Variants in ITGA4 observed in about 807,000 individuals in gnomAD.
The protein encoded by ITGA4 is integrin alpha-4.
A neutral mutation model predicts 133.6 loss-of-function variants in ITGA4; 63 were observed. The ratio of observed to expected loss-of-function variants is 0.47; its 90% CI spans 0.38 to 0.58. The LOEUF is 0.58. Ranked by LOEUF, ITGA4 falls within the 20% of genes least tolerant of loss-of-function variation. The probability of loss-of-function intolerance (pLI) is 0.00; values close to 1 mark genes in which losing one functional copy is unlikely to be tolerated. For synonymous variants in ITGA4, 483 were observed against 438.0 expected (o/e 1.10, Z -1.28); for missense variants, 1,076 against 1,252.7 (o/e 0.86, Z 2.13).
intron 21 of ITGA4, 132 bp from the exon 22 acceptor site, chr2:181,527,165 A>G (rs990531937): frequency 4.5e-5 from 25 of 551,890 alleles, no homozygotes; most frequent in Non-Finnish European, 5.8e-5. Context: ...AATAAAATGT[A>G]TATCTGACCA....
intron 2 of ITGA4, among the ~76,000 whole-genome samples, chr2:181,471,719 CAT>C (rs1486010877): frequency 6.6e-6 from 1 of 152,148 alleles, no homozygotes. Context: ...ACACACCTGC[CAT>C]ATGTTTTTCT....
chr2:181,508,501 G>C (rs1466552298), intron 15 of ITGA4, among the ~76,000 whole-genome samples: 1 of 151,984 alleles, frequency 6.6e-6, no homozygotes, highest in Non-Finnish European at 1.5e-5. Flanking sequence ...TTTGAGACCA[G>C]CCCTACCAAC....
At chr2:181,471,692 C>A (rs1160496652) in intron 2 of ITGA4, among the ~76,000 whole-genome samples, 1 of 152,150 alleles carries the variant, frequency 6.6e-6, no homozygotes, top group Non-Finnish European at 1.5e-5. Flanking sequence ...GACCCCCACC[C>A]CACCAATTTC....
At chr2:181,496,721 G>A (rs1056310613) in intron 14 of ITGA4, among the ~76,000 whole-genome samples, 5 of 152,100 alleles carry the variant, frequency 3.3e-5, no homozygotes, top group African/African-American at 1.2e-4. Context: ...GCTAATATAA[G>A]AATAACTACT....
rs781526451 is a variant in ITGA4 at position 181,511,741 on chromosome 2, G to A, written c.1888G>A (p.Asp630Asn). 3 of 1,598,080 alleles carry A rather than the reference G, an allele frequency of 1.9e-6. No individual in the cohort carries two copies. Among genetic ancestry groups the A allele is most frequent in the Non-Finnish European group, 1.7e-6 (2 of 1,166,050 alleles). The change falls in exon 17 of 28, where the codon GAT (aspartate) becomes AAT (asparagine). Residue 630 changes from aspartate to asparagine, a missense_variant. Asp to Asn is a conservative substitution (Grantham distance 23). Transcript: ENST00000397033. ...RFCAHENCSA[D>N]LQVSAKIGFL... ...TTGTGCCCATGAAAATTGTTCTGCT[G>A]ATTTACAGGTTTCTGCAAAGATTGG...
At chr2:181,481,296 T>C (rs189438725) in intron 6 of ITGA4, among the ~76,000 whole-genome samples, 1 of 152,204 alleles carries the variant, frequency 6.6e-6, no homozygotes, top group African/African-American at 2.4e-5. Context: ...ATATTTAATA[T>C]ACTCTAAAAT....
At chr2:181,498,479 G>T (rs1044832679) in intron 14 of ITGA4, 144 bp from the exon 15 acceptor site, 15 of 435,800 alleles carry the variant, frequency 3.4e-5, no homozygotes, top group Middle Eastern at 6.1e-4. Flanking sequence ...CATATTTCAG[G>T]TTAGTCTTTA....
At chr2:181,493,058 G>T in intron 10 of ITGA4, 1 of 301,504 alleles carries the variant, frequency 3.3e-6, no homozygotes, top group Non-Finnish European at 6.1e-6. Flanking sequence ...AGACCCCAGT[G>T]GTCTGGCTGT....
At chr2:181,465,270 A>G (rs1346310220) in intron 2 of ITGA4, among the ~76,000 whole-genome samples, 1 of 152,144 alleles carries the variant, frequency 6.6e-6, no homozygotes, top group African/African-American at 2.4e-5. Flanking sequence ...CTGCCCAGAG[A>G]AACGTCCTTT....
Position 181,494,801 on chromosome 2 carries a change from A to C in ITGA4, c.1328A>C (p.Asn443Thr). 1 of 1,520,822 alleles carries C rather than the reference A, an allele frequency of 6.6e-7. No individual in the cohort carries two copies. The highest frequency in any genetic ancestry group is 9.1e-7 in the Non-Finnish European group (1 of 1,095,088). The allele number at this position is 1,520,822 out of a possible 1,614,324, so 94.2% of individuals were successfully genotyped here. ...TCAGGACAAATTGATGCAGATAATA[A>C]TGGCTATGTAGGTGAGTAATTAGTT... is the stretch of plus-strand genomic sequence containing the variant. ...SISGQIDADN[N>T]GYVDVAVGAF... Residue 443 changes from asparagine to threonine, a missense_variant, in exon 12 of 28, where the codon AAT becomes ACT. Around this residue, in one of 4 missense-constraint regions of ITGA4, gnomAD observed 436 missense variants for 590.7 expected, o/e 0.74. Transcript: ENST00000397033.
At chr2:181,526,439 T>TA (rs1423740002) in intron 21 of ITGA4, among the ~76,000 whole-genome samples, 1 of 152,176 alleles carries the variant, frequency 6.6e-6, no homozygotes, top group African/African-American at 2.4e-5. Flanking sequence ...CCTAGAAACA[T>TA]ATTTCTTAGA....
intron 2 of ITGA4, among the ~76,000 whole-genome samples, chr2:181,468,852 T>C (rs1210778823): frequency 1.3e-5 from 2 of 152,178 alleles, no homozygotes; most frequent in African/African-American, 4.8e-5. Flanking sequence ...AAATATCTAG[T>C]GGAAAAATGC....
At chr2:181,474,916 A>G (rs199500082) in intron 2 of ITGA4, 44 bp from the exon 3 acceptor site, 9 of 1,461,702 alleles carry the variant, frequency 6.2e-6, no homozygotes, top group Non-Finnish European at 8.6e-6. Flanking sequence ...TCTTTTGTAG[A>G]ATGTTTTCAA....
At chr2:181,509,933 A>T (rs2305582) in intron 16 of ITGA4, 126 bp downstream of exon 16, 73,296 of 644,242 alleles carry the variant, frequency 0.11, 5,077 homozygotes, top group East Asian at 0.23. Flanking sequence ...TAAAAACAAA[A>T]ATAGATTTAT....
chr2:181,537,797 G>A lies in ITGA4; in HGVS notation c.*2270G>A, dbSNP rs1354963890. 4.3e-6 allele frequency: 2 copies of A among 461,960 alleles called. No homozygotes were observed. Among genetic ancestry groups the A allele is most frequent in the Non-Finnish European group, 8.6e-6 (2 of 233,770 alleles). The allele number at this position is 461,960 out of a possible 1,614,324, so 28.6% of individuals were successfully genotyped here. A position where few individuals can be genotyped will look rare whatever the true frequency, so the allele number is the denominator to read the frequency against. Reference sequence around the variant, plus strand: ...AGAATTTGAATTGATATTTCATCTTGACTTTTAAAGCCCTAGAGGCTAATT... The same window carrying A: ...AGAATTTGAATTGATATTTCATCTTAACTTTTAAAGCCCTAGAGGCTAATT... On this transcript the variant is annotated 3_prime_UTR_variant, in exon 28 of 28. Transcript: ENST00000397033.
intron 2 of ITGA4, among the ~76,000 whole-genome samples, chr2:181,471,812 G>A (rs1046108825): frequency 4.6e-5 from 7 of 152,092 alleles, no homozygotes; most frequent in South Asian, 2.1e-4. Flanking sequence ...TTATTCTTAA[G>A]TAAACATCTC....
At chr2:181,496,977 T>G (rs553685998) in intron 14 of ITGA4, among the ~76,000 whole-genome samples, 131 of 152,182 alleles carry the variant, frequency 8.6e-4, no homozygotes, top group Non-Finnish European at 1.5e-3. Context: ...AGGTACACAA[T>G]GAGCCTGGCA....
intron 25 of ITGA4, among the ~76,000 whole-genome samples, chr2:181,533,680 T>C (rs1223660984): frequency 1.3e-5 from 2 of 152,306 alleles, no homozygotes; most frequent in East Asian, 3.9e-4. Context: ...TTTTTGGCTC[T>C]AAAATGTTAA....
chr2:181,519,579 C>T (rs1049001015), intron 17 of ITGA4, among the ~76,000 whole-genome samples: 11 of 151,996 alleles, frequency 7.2e-5, no homozygotes, highest in African/African-American at 1.2e-4. Context: ...TTGCATATTC[C>T]GAGGTTCATA....
Sources: allele counts gnomAD v4.1 joint callset (sites outside exome capture counted in the v4.1 genomes callset), GRCh38; gene constraint gnomAD v4.1.1; regional missense constraint gnomAD v4.1.1; transcripts MANE v1.5; gene names NCBI Gene and HGNC (gene_info 2026-07-23, HGNC 2026-07-21).